DUSP12: variants seen among roughly 807,000 people sequenced by gnomAD.
DUSP12 encodes dual specificity protein phosphatase 12.
In DUSP12, 25 loss-of-function variants were observed where a neutral mutation model predicts 38.9. The ratio of observed to expected loss-of-function variants is 0.64; its 90% CI spans 0.47 to 0.90. The LOEUF is 0.90. Ranked by LOEUF, DUSP12 falls within the 40% of genes least tolerant of loss-of-function variation. The pLI, the probability that DUSP12 is intolerant of heterozygous loss-of-function variation, is 0.00. For missense variants in DUSP12, 403 were observed against 427.0 expected (o/e 0.94, Z 0.50); for synonymous variants, 153 against 153.9 (o/e 0.99, Z 0.05).
At position 161,749,827 on chromosome 1, in the gene DUSP12, A is replaced by T. The variant is rs1370963623; in HGVS notation, c.26A>T (p.Asp9Val). The change falls in exon 1 of 6, where the codon GAT becomes GTT. Residue 9 changes from aspartate to valine, a missense_variant. Physicochemically the swap from Asp to Val is radical, Grantham distance 152. Transcript: ENST00000367943. ...ATGTTGGAGGCTCCGGGCCCGAGTG[A>T]TGGCTGCGAGCTCAGCAACCCCAGC... The part of the protein sequence containing the change: MLEAPGPS[D>V]GCELSNPSAS... The T allele has an allele frequency of 1.3e-6, 2 of 1,588,424 alleles. No individual in the cohort carries two copies. The highest frequency in any genetic ancestry group is 2.7e-5 in the African/African-American group (2 of 74,204).
At chr1:161,751,405 T>G (rs1172414557) in intron 1 of DUSP12, 2 of 292,116 alleles carry the variant, frequency 6.8e-6, no homozygotes, top group African/African-American at 4.4e-5. Flanking sequence ...GCCAGGAGTT[T>G]GGATTTGTTC....
intron 5 of DUSP12, among the ~76,000 whole-genome samples, chr1:161,754,633 A>T (rs1684083161): frequency 6.6e-6 from 1 of 152,196 alleles, no homozygotes; most frequent in African/African-American, 2.4e-5. Context: ...GCATATGTGA[A>T]GGAGGAACTG....
Position 161,756,789 on chromosome 1 carries a change from C to A in DUSP12, c.865C>A (p.Leu289Ile), listed in dbSNP as rs558041696. 11 of 1,610,256 alleles carry A rather than the reference C, an allele frequency of 6.8e-6. No homozygotes were observed. The East Asian group carries it at 1.8e-4, about 26-fold the overall frequency. Residue 289 changes from leucine to isoleucine, a missense_variant, in exon 6 of 6, where the codon CTT becomes ATT. Leu to Ile is a conservative substitution (Grantham distance 5). Coordinates refer to ENST00000367943, the MANE Select transcript of DUSP12 (RefSeq NM_007240.3). ...ALLGVMDGQL[L>I]CPKCSAKLGS... ...TAACACATTTGCTTTATTTCAGCTT[C>A]TTTGCCCAAAATGCAGTGCCAAGTT...
Position 161,756,849 on chromosome 1 carries a change from T to C in DUSP12, c.925T>C (p.Cys309Arg). The change falls in exon 6 of 6, where the codon TGT becomes CGT. Residue 309 changes from cysteine (C) to arginine (R), a missense_variant. By Grantham distance (180) the Cys-to-Arg change is radical. Transcript: ENST00000367943. Reference sequence around the variant, plus strand: ...CAACTGGTATGGTGAACAGTGCTCTTGTGGTAGGTGGATAACACCTGCTTT... The same window carrying C: ...CAACTGGTATGGTGAACAGTGCTCTCGTGGTAGGTGGATAACACCTGCTTT... ...SFNWYGEQCS[C>R]GRWITPAFQI... 6.2e-7 allele frequency: 1 copy of C among 1,614,002 alleles called. No individual in the cohort carries two copies. Among genetic ancestry groups the C allele is most frequent in the Middle Eastern group, 1.7e-4 (1 of 6,060 alleles).
chr1:161,753,121 A>G lies in DUSP12; in HGVS notation c.721A>G (p.Ser241Gly), dbSNP rs947876276. ...TAGTATTCTGGATCACCGTGAAGGAAGTGGACCTATAGCCTTTGCCCACAA... is the reference window on the plus strand; with the variant it reads ...TAGTATTCTGGATCACCGTGAAGGAGGTGGACCTATAGCCTTTGCCCACAA... ...SSSILDHREG[S>G]GPIAFAHKRM... is the part of the protein sequence containing the mutation. The change falls in exon 5 of 6, where the codon AGT becomes GGT. Residue 241 changes from serine to glycine, a missense_variant. Ser to Gly is a moderately conservative substitution (Grantham distance 56). Coordinates refer to ENST00000367943, the MANE Select transcript of DUSP12 (RefSeq NM_007240.3). 8 of 1,613,280 alleles carry G rather than the reference A, an allele frequency of 5.0e-6. No homozygotes were observed. The highest frequency in any genetic ancestry group is 6.8e-6 in the Non-Finnish European group (8 of 1,179,698).
intron 1 of DUSP12, among the ~76,000 whole-genome samples, chr1:161,750,862 T>C (rs1358079736): frequency 6.6e-6 from 1 of 151,816 alleles, no homozygotes; most frequent in Non-Finnish European, 1.5e-5. Context: ...GAGGCGGAGG[T>C]TGCAGTGAGC....
At chr1:161,750,274 C>T (rs567214261) in intron 1 of DUSP12, 129 bp downstream of exon 1, 2 of 988,144 alleles carry the variant, frequency 2.0e-6, no homozygotes, top group East Asian at 2.6e-5. Flanking sequence ...CCCGCTGCCT[C>T]CCGCAGGAGG....
Position 161,752,357 on chromosome 1 carries a change from A to G in DUSP12, c.578-11A>G, listed in dbSNP as rs1381164736. 1 of 1,555,320 alleles carries G rather than the reference A, an allele frequency of 6.4e-7. No homozygotes were observed. The highest frequency in any genetic ancestry group is 2.2e-5 in the East Asian group (1 of 44,462). On this transcript the variant is annotated splice_polypyrimidine_tract_variant and intron_variant, in intron 3 of 5. Transcript: ENST00000367943. ...TTTGACAAATAAATACATTTTAATT[A>G]TGTCATATAGAATTGCAGAATTTAC...
chr1:161,752,330 A>G (rs778513093), intron 3 of DUSP12, 38 bp from the exon 4 acceptor site: 1 of 1,445,216 alleles, frequency 6.9e-7, no homozygotes. Context: ...TGCAGAGTTG[A>G]TTTTGACAAA....
chr1:161,749,856 A>G lies in DUSP12; in HGVS notation c.55A>G (p.Ser19Gly), dbSNP rs1419739700. 6 of 1,607,340 alleles carry G rather than the reference A, an allele frequency of 3.7e-6. No homozygotes were observed. Among genetic ancestry groups the G allele is most frequent in the Non-Finnish European group, 5.1e-6 (6 of 1,177,184 alleles). The change falls in exon 1 of 6, where the codon AGC (serine) becomes GGC (glycine). Residue 19 changes from serine to glycine, a missense_variant. Transcript: ENST00000367943. ...CTGCGAGCTCAGCAACCCCAGCGCC[A>G]GCAGAGTCAGCTGTGCCGGGCAGAT... The part of the protein sequence containing the change: ...DGCELSNPSA[S>G]RVSCAGQMLE...
chr1:161,754,979 C>T (rs972655947), intron 5 of DUSP12, among the ~76,000 whole-genome samples: 11 of 151,974 alleles, frequency 7.2e-5, no homozygotes, highest in South Asian at 2.1e-4. Flanking sequence ...TACAGGGATG[C>T]GCCACCACGC....
chr1:161,750,138 G>T lies in DUSP12; in HGVS notation c.337G>T (p.Val113Leu). 1 of 1,611,624 alleles carries T rather than the reference G, an allele frequency of 6.2e-7. No homozygotes were observed. The highest frequency in any genetic ancestry group is 1.1e-5 in the South Asian group (1 of 90,876). ...CCGCGCTGAGGGCCGTGCGGTGTTG[G>T]TGCACTGGTGAGTGGCCGGGTCAGT... ...QARAEGRAVL[V>L]HCHAGVSRSV... Residue 113 changes from valine to leucine, a missense_variant, in exon 1 of 6, where the codon GTG becomes TTG. By Grantham distance (32) the Val-to-Leu change is conservative. Transcript: ENST00000367943.
In DUSP12 at chr1:161,751,680, C is replaced by A; in HGVS notation, c.357C>A (p.Val119=). ...RAVLVHCHAG[V]SRSVAIITAF... ...GTCTCTTTTTCAGTCATGCAGGAGT[C>A]AGTCGAAGTGTGGCCATAATAACTG... Residue 119 remains valine, a synonymous_variant, in exon 2 of 6, where the codon GTC becomes GTA. Coordinates refer to ENST00000367943, the MANE Select transcript of DUSP12 (RefSeq NM_007240.3). The A allele has an allele frequency of 6.2e-7, 1 of 1,608,834 alleles. No individual in the cohort carries two copies. Among genetic ancestry groups the A allele is most frequent in the South Asian group, 1.1e-5 (1 of 89,692 alleles).
In DUSP12 at chr1:161,751,907, C is replaced by T. The variant is rs145422605; in HGVS notation, c.500C>T (p.Ala167Val). ...GFEWQLKLYQ[A>V]MGYEVDTSSA... ...GAGTGGCAACTGAAATTATACCAGG[C>T]AATGGGATACGAAGTGGATACCTCT... Residue 167 changes from alanine (A) to valine (V), a missense_variant, in exon 3 of 6, where the codon GCA becomes GTA. Ala to Val is a moderately conservative substitution (Grantham distance 64). Coordinates refer to ENST00000367943, the MANE Select transcript of DUSP12 (RefSeq NM_007240.3). 4.9e-5 allele frequency: 79 copies of T among 1,613,390 alleles called. No homozygotes were observed. In the African/African-American group the frequency reaches 9.6e-4, roughly 20 times the overall value.
At chr1:161,755,240 T>G (rs1271495894) in intron 5 of DUSP12, among the ~76,000 whole-genome samples, 1 of 152,186 alleles carries the variant, frequency 6.6e-6, no homozygotes, top group Non-Finnish European at 1.5e-5. Flanking sequence ...GCTTTCTAAT[T>G]TTACTTAACC....
At chr1:161,751,633 T>C in intron 1 of DUSP12, 35 bp from the exon 2 acceptor site, 2 of 1,573,054 alleles carry the variant, frequency 1.3e-6, no homozygotes, top group African/African-American at 2.8e-5. Context: ...TAATTGTTGC[T>C]ATTTGCTGTT....
intron 4 of DUSP12, among the ~76,000 whole-genome samples, chr1:161,752,859 T>A (rs61801235): frequency 0.035 from 5,291 of 152,012 alleles, 117 homozygotes; most frequent in Non-Finnish European, 0.056. Flanking sequence ...GCATGGTGGC[T>A]GGTGCCTGTA....
rs764702245 is a variant in DUSP12, at chr1:161,750,126, C to T, written c.325C>T (p.Arg109Cys). The change falls in exon 1 of 6, where the codon CGT (arginine) becomes TGT (cysteine). Residue 109 changes from arginine (R) to cysteine (C), a missense_variant. Coordinates refer to ENST00000367943, the MANE Select transcript of DUSP12 (RefSeq NM_007240.3). ...AFIGQARAEG[R>C]AVLVHCHAGV... The stretch of plus-strand genomic sequence containing the variant: ...CATCGGTCAGGCCCGCGCTGAGGGC[C>T]GTGCGGTGTTGGTGCACTGGTGAGT... 12 of 1,613,354 alleles carry T rather than the reference C, an allele frequency of 7.4e-6. No homozygotes were observed. The highest frequency in any genetic ancestry group is 9.3e-6 in the Non-Finnish European group (11 of 1,179,864).
chr1:161,753,594 T>C (rs1684062083), intron 5 of DUSP12, among the ~76,000 whole-genome samples: 1 of 152,106 alleles, frequency 6.6e-6, no homozygotes, highest in Non-Finnish European at 1.5e-5. Flanking sequence ...CCTCATTAGC[T>C]CATGCCTGTA....
Sources: allele counts gnomAD v4.1 joint callset (sites outside exome capture counted in the v4.1 genomes callset), GRCh38; gene constraint gnomAD v4.1.1; transcripts MANE v1.5; gene names NCBI Gene and HGNC (gene_info 2026-07-23, HGNC 2026-07-21).